Variants in SON observed in about 807,000 individuals in gnomAD.
The protein encoded by SON is SON DNA and RNA binding protein, also known as protein SON.
A neutral mutation model predicts 173.3 loss-of-function variants in SON; 4 were observed. The observed-to-expected ratio is 0.02, with a 90% CI of 0.01 to 0.05. SON has a LOEUF of 0.05. Ranked by LOEUF, SON falls within the 10% of genes least tolerant of loss-of-function variation. The pLI, the probability that SON is intolerant of heterozygous loss-of-function variation, is 1.00. For synonymous variants in SON, 1,190 were observed against 1,105.9 expected (o/e 1.08, Z -1.51); for missense variants, 2,626 against 3,055.3 (o/e 0.86, Z 3.31).
Position 33,573,517 on chromosome 21 carries a change from C to G in SON, c.7033+62C>G, listed in dbSNP as rs532315516. ...CCTTTAACATTACCTTTAATATATC[C>G]TTTTGAACCCAGTGATACTGAACTG... is the stretch of plus-strand genomic sequence containing the variant. On this transcript the variant is annotated intron_variant, in intron 9 of 11. Transcript: ENST00000356577. 67 of 1,444,898 alleles carry G rather than the reference C, an allele frequency of 4.6e-5. 3 individuals carry two copies. The South Asian group carries it at 8.5e-4, about 18-fold the overall frequency. 89.5% of individuals were successfully genotyped at this position (1,444,898 alleles called of 1,614,324 possible).
rs1364217750 is a variant in SON, at chr21:33,555,082, A to G, written c.5851A>G (p.Ile1951Val). 1 of 1,601,590 alleles carries G rather than the reference A, an allele frequency of 6.2e-7. No individual in the cohort carries two copies. Among genetic ancestry groups the G allele is most frequent in the Non-Finnish European group, 8.5e-7 (1 of 1,175,544 alleles). ...RSVGRRRSFS[I>V]SPSRRSRTPS... Reference sequence around the variant, plus strand: ...TGTGGGTAGAAGAAGGAGCTTTAGCATTTCCCCAAGCCGCCGCAGCCGCAC... The same window carrying G: ...TGTGGGTAGAAGAAGGAGCTTTAGCGTTTCCCCAAGCCGCCGCAGCCGCAC... The change falls in exon 3 of 12, where the codon ATT (isoleucine) becomes GTT (valine). Residue 1951 changes from isoleucine (I) to valine (V), a missense_variant. Transcript: ENST00000356577.
At chr21:33,565,882 A>G (rs1029307478) in intron 6 of SON, among the ~76,000 whole-genome samples, 5 of 152,216 alleles carry the variant, frequency 3.3e-5, no homozygotes, top group African/African-American at 1.2e-4. Flanking sequence ...AAGGAATATT[A>G]GTTTATTAGC....
intron 9 of SON, 46 bp from the exon 10 acceptor site, chr21:33,575,550 A>T: frequency 6.9e-7 from 1 of 1,450,294 alleles, no homozygotes; most frequent in Non-Finnish European, 9.6e-7. Flanking sequence ...TCTTTGTTTT[A>T]AAGTGGTGCT....
chr21:33,543,702 A>G (rs966626660), intron 1 of SON, among the ~76,000 whole-genome samples: 3 of 152,242 alleles, frequency 2.0e-5, no homozygotes, highest in Non-Finnish European at 2.9e-5. Context: ...GTCCTGTAGT[A>G]TCTGTCAGCC....
chr21:33,554,036 A>C lies in SON; in HGVS notation c.4805A>C (p.Glu1602Ala). 6.2e-7 allele frequency: 1 copy of C among 1,614,090 alleles called. No homozygotes were observed. The highest frequency in any genetic ancestry group is 8.5e-7 in the Non-Finnish European group (1 of 1,180,012). Residue 1602 changes from glutamate to alanine, a missense_variant, in exon 3 of 12, where the codon GAA (glutamate) becomes GCA (alanine). Around this residue, in one of 13 missense-constraint regions of SON, gnomAD observed 1,006 missense variants for 895.6 expected, o/e 1.12. Transcript: ENST00000356577. ...TLSSTGPFAL[E>A]PDATGTSKGI... ...TCTTCTACTGGTCCTTTTGCTCTGG[A>C]ACCTGATGCAACAGGAACTAGTAAG...
chr21:33,564,291 G>C (rs2086122890), intron 6 of SON, among the ~76,000 whole-genome samples: 1 of 152,154 alleles, frequency 6.6e-6, no homozygotes, highest in Admixed American at 6.5e-5. Context: ...TACATTTCAA[G>C]TGCTCAGTAG....
chr21:33,555,200 G>T lies in SON; in HGVS notation c.5969G>T (p.Arg1990Leu). 6.3e-7 allele frequency: 1 copy of T among 1,588,512 alleles called. No individual in the cohort carries two copies. Among genetic ancestry groups the T allele is most frequent in the Non-Finnish European group, 8.5e-7 (1 of 1,171,204 alleles). ...TPSRRSRTPS[R>L]RSRTPSRRRR... ...AGCCGCCGGAGCCGCACCCCTAGCC[G>T]TCGGAGCCGCACCCCAAGCCGCCGG... The change falls in exon 3 of 12, where the codon CGT (arginine) becomes CTT (leucine). Residue 1990 changes from arginine (R) to leucine (L), a missense_variant. Transcript: ENST00000356577.
chr21:33,564,936 G>T (rs980227746), intron 6 of SON, among the ~76,000 whole-genome samples: 3 of 151,386 alleles, frequency 2.0e-5, no homozygotes, highest in Non-Finnish European at 4.4e-5. Context: ...TGAACTTGCA[G>T]CTCCCTTGGT....
In SON at chr21:33,551,771, C is replaced by T; in HGVS notation, c.2540C>T (p.Ala847Val). The T allele has an allele frequency of 6.2e-7, 1 of 1,613,242 alleles. No homozygotes were observed. The highest frequency in any genetic ancestry group is 8.5e-7 in the Non-Finnish European group (1 of 1,180,038). ...AGCACCATGGATTCTCAGATGTTAG[C>T]AACCAGCACCATGGACTCCCAGATG... ...ATSTMDSQML[A>V]TSTMDSQMLA... is the part of the protein sequence containing the mutation. The change falls in exon 3 of 12, where the codon GCA (alanine) becomes GTA (valine). Residue 847 changes from alanine (A) to valine (V), a missense_variant. By Grantham distance (64) the Ala-to-Val change is moderately conservative (BLOSUM62 0). Transcript: ENST00000356577.
In SON at chr21:33,555,266, T is replaced by A. The variant is rs1451592071; in HGVS notation, c.6035T>A (p.Ile2012Asn). 1 of 1,612,480 alleles carries A rather than the reference T, an allele frequency of 6.2e-7. No individual in the cohort carries two copies. The highest frequency in any genetic ancestry group is 1.1e-5 in the South Asian group (1 of 90,824). The change falls in exon 3 of 12, where the codon ATC (isoleucine) becomes AAC (asparagine). Residue 2012 changes from isoleucine to asparagine, a missense_variant. Ile to Asn is a moderately radical substitution (Grantham distance 149). Transcript: ENST00000356577. ...RSVVRRRSFS[I>N]SPVRLRRSRT... ...GTGGTAAGAAGACGAAGCTTCAGTA[T>A]CTCACCAGTCAGATTAAGGCGATCA...
At position 33,575,845 on chromosome 21, in the gene SON, A is replaced by G. The variant is rs144018038; in HGVS notation, c.7173A>G (p.Leu2391=). 388 of 1,611,938 alleles carry G rather than the reference A, an allele frequency of 2.4e-4. 1 individual carries two copies. The Middle Eastern group carries it at 4.5e-3, about 19-fold the overall frequency. The change falls in exon 11 of 12, where the codon CTA becomes CTG. Residue 2391 remains leucine (L), a synonymous_variant. Transcript: ENST00000356577. ...GAAGGTGGCAACCACCTGAATTTCT[A>G]TTGGTCCATGATAGTGGCCCTGATC... The part of the protein sequence containing the change: ...NKRRWQPPEF[L]LVHDSGPDHR...
chr21:33,551,156 C>G lies in SON; in HGVS notation c.1925C>G (p.Pro642Arg). 6.2e-7 allele frequency: 1 copy of G among 1,613,778 alleles called. No homozygotes were observed. Among genetic ancestry groups the G allele is most frequent in the Admixed American group, 1.7e-5 (1 of 60,000 alleles). ...GGGCAGCCTGGGGCGCCAGAGTTGC[C>G]TGGGCAGCCTGTGGCAACTGTGGCG... is the stretch of plus-strand genomic sequence containing the variant. Reference protein sequence around the residue: ...LPGQPGAPELPGQPVATVALE... With the variant: ...LPGQPGAPELRGQPVATVALE... Residue 642 changes from proline (P) to arginine (R), a missense_variant, in exon 3 of 12, where the codon CCT becomes CGT. By Grantham distance (103) the Pro-to-Arg change is moderately radical. Around this residue, in one of 13 missense-constraint regions of SON, gnomAD observed 182 missense variants for 193.6 expected, o/e 0.94. Coordinates refer to ENST00000356577, the MANE Select transcript of SON (RefSeq NM_138927.4).
chr21:33,566,951 T>C (rs1056929513), intron 6 of SON, among the ~76,000 whole-genome samples: 2 of 152,180 alleles, frequency 1.3e-5, no homozygotes, highest in Non-Finnish European at 1.5e-5. Flanking sequence ...TTCTGCGACC[T>C]GTGTGATACT....
rs1446336889 is a variant in SON at position 33,576,693 on chromosome 21, C to T, written c.*269C>T. The T allele has an allele frequency of 1.8e-6, 1 of 543,214 alleles. No homozygotes were observed. The highest frequency in any genetic ancestry group is 3.4e-6 in the Non-Finnish European group (1 of 296,852). 33.6% of individuals were successfully genotyped at this position (543,214 alleles called of 1,614,324 possible). ...TTGTGTAAAAAGCAATCTGTAAAAA[C>T]ATCTCCAGGCTTTGATTTTTGTACC... On this transcript the variant is annotated 3_prime_UTR_variant, in exon 12 of 12. Transcript: ENST00000356577.
intron 4 of SON, chr21:33,558,932 CCTT>C (rs1254138916): frequency 4.9e-6 from 1 of 205,046 alleles, no homozygotes; most frequent in Non-Finnish European, 9.6e-6. Flanking sequence ...ATTGTAAGCT[CCTT>C]GAGAGCAGGG....
chr21:33,575,343 A>C, intron 9 of SON: 1 of 323,886 alleles, frequency 3.1e-6, no homozygotes, highest in Non-Finnish European at 5.7e-6. Context: ...GCCATACTTA[A>C]CTTTTTGTTT....
chr21:33,569,672 G>A, intron 8 of SON: 1 of 446,416 alleles, frequency 2.2e-6, no homozygotes, highest in East Asian at 7.8e-5. Context: ...GCTGGTTACA[G>A]CAAGTGGTTG....
rs1416654250 is a variant in SON at position 33,559,927 on chromosome 21, A to G, written c.6657+152A>G. ...TTAGACGACAGATGAAACAACCCGC[A>G]GCTTCTCATTTGACAGTAACTCGAT... On this transcript the variant is annotated intron_variant, in intron 6 of 11. Transcript: ENST00000356577. This position sits in a 1 kb window ranked among gnomAD's most constrained non-coding sequence, Gnocchi z 4.1. 1 of 1,613,252 alleles carries G rather than the reference A, an allele frequency of 6.2e-7. No individual in the cohort carries two copies. The highest frequency in any genetic ancestry group is 8.5e-7 in the Non-Finnish European group (1 of 1,179,292).
At chr21:33,557,541 T>A in intron 4 of SON, 1 of 1,550,610 alleles carries the variant, frequency 6.4e-7, no homozygotes, top group Non-Finnish European at 8.7e-7. Context: ...ACTTTTGCTT[T>A]CCAGTTTTAG....
Sources: gnomAD v4.1 joint callset for allele counts (sites outside exome capture counted in the v4.1 genomes callset) on GRCh38, gnomAD v4.1.1 for gene constraint, gnomAD v4.1.1 regional missense constraint, Gnocchi (gnomAD v3.1) non-coding constraint, MANE v1.5 for transcripts, NCBI Gene and HGNC (gene_info 2026-07-23, HGNC 2026-07-21) for gene names.